Variants in ACO2 observed in about 807,000 individuals in gnomAD.
ACO2 encodes aconitase 2.
In ACO2, 31 loss-of-function variants were observed where a neutral mutation model predicts 84.5. The observed-to-expected ratio is 0.37, with a 90% CI of 0.28 to 0.50. The LOEUF is 0.50. ACO2 is among the 20% of genes least tolerant of loss of function. The pLI is 0.97. For synonymous variants in ACO2, 414 were observed against 412.7 expected, an observed-to-expected ratio of 1.00 and a Z score of -0.04; for missense variants, 685 against 1,029.3, an observed-to-expected ratio of 0.67 and a Z score of 4.58.
chr22:41,506,504 C>T (rs887071192), intron 2 of ACO2, among the ~76,000 whole-genome samples: 7 of 152,130 alleles, frequency 4.6e-5, no homozygotes, highest in African/African-American at 1.7e-4. Context: ...CCGCCTGTCT[C>T]GGCCTCCCAA....
At chr22:41,522,711 C>A in intron 9 of ACO2, 119 bp from the exon 10 acceptor site, 2 of 1,181,574 alleles carry the variant, frequency 1.7e-6, no homozygotes, top group South Asian at 3.1e-5. Context: ...TTAAAAAAGT[C>A]TCTGGCCCAG....
intron 6 of ACO2, 112 bp from the exon 7 acceptor site, chr22:41,517,414 TG>T (rs2066484071): frequency 1.2e-6 from 1 of 829,488 alleles, no homozygotes; most frequent in Non-Finnish European, 2.0e-6. Flanking sequence ...TCTCTCTGAG[TG>T]GGAGGAGAAG....
At chr22:41,483,153 C>G (rs2038109600) in intron 1 of ACO2, among the ~76,000 whole-genome samples, 1 of 152,126 alleles carries the variant, frequency 6.6e-6, no homozygotes, top group Non-Finnish European at 1.5e-5. Context: ...AGATGAGGGC[C>G]TGGGATTTAC....
intron 1 of ACO2, among the ~76,000 whole-genome samples, chr22:41,480,213 A>G (rs1167903481): frequency 1.3e-5 from 2 of 152,216 alleles, no homozygotes; most frequent in African/African-American, 4.8e-5. Context: ...TGTGTTGCCC[A>G]CTTAGACAGA....
At chr22:41,476,385 C>A (rs1421301441) in intron 1 of ACO2, among the ~76,000 whole-genome samples, 1 of 136,948 alleles carries the variant, frequency 7.3e-6, no homozygotes. Context: ...CCAGCCTGGG[C>A]AACAAGAATG....
At chr22:41,526,666 CAGG>C (rs556356702) in intron 15 of ACO2, 23 of 518,666 alleles carry the variant, frequency 4.4e-5, no homozygotes, top group African/African-American at 2.1e-4. Context: ...GTCCCTGCAC[CAGG>C]AGGAGTTAGT....
chr22:41,517,898 C>T (rs1215064447), intron 7 of ACO2, among the ~76,000 whole-genome samples: 1 of 152,216 alleles, frequency 6.6e-6, no homozygotes, highest in Non-Finnish European at 1.5e-5. Context: ...TGGAAGGTGG[C>T]TGAATGCCCG....
At chr22:41,525,508 G>A (rs536441918) in intron 14 of ACO2, among the ~76,000 whole-genome samples, 160 bp downstream of exon 14, 76 of 152,346 alleles carry the variant, frequency 5.0e-4, no homozygotes, top group African/African-American at 1.7e-3. Flanking sequence ...GTATCGCAAC[G>A]CAGTCCAGCG....
intron 9 of ACO2, among the ~76,000 whole-genome samples, chr22:41,521,047 AAAAAAAAAAAAAG>A (rs1418302870): frequency 1.3e-5 from 2 of 150,144 alleles, no homozygotes; most frequent in Admixed American, 1.3e-4. Context: ...AAAAAAAAAA[AAAAAAAAAAAAAG>A]AAAGAAAAGA....
intron 9 of ACO2, among the ~76,000 whole-genome samples, chr22:41,522,513 G>A (rs1252012367): frequency 6.6e-6 from 1 of 152,288 alleles, no homozygotes; most frequent in East Asian, 1.9e-4. Context: ...GCCCATCAAG[G>A]ATGGCTGTTC....
chr22:41,496,543 T>G (rs1444246854), intron 1 of ACO2, among the ~76,000 whole-genome samples: 1 of 152,174 alleles, frequency 6.6e-6, no homozygotes, highest in Non-Finnish European at 1.5e-5. Flanking sequence ...TGTGGGGCCA[T>G]CCTTAAACCC....
intron 1 of ACO2, among the ~76,000 whole-genome samples, chr22:41,495,019 T>A (rs1377103168): frequency 6.7e-6 from 1 of 149,798 alleles, no homozygotes; most frequent in African/African-American, 2.5e-5. Flanking sequence ...TAGGCGTGAG[T>A]CTCCACGCCC....
At position 41,526,283 on chromosome 22, in the gene ACO2, G is replaced by T; in HGVS notation, c.1783G>T (p.Asp595Tyr). Reference protein sequence around the residue: ...LIKVKGKCTTDHISAAGPWLK... With the variant: ...LIKVKGKCTTYHISAAGPWLK... ...CAAGGTCAAAGGGAAGTGTACCACT[G>T]ACCACATCTCAGCTGCTGGCCCCTG... The change falls in exon 15 of 18, where the codon GAC becomes TAC. Residue 595 changes from aspartate to tyrosine, a missense_variant. By Grantham distance (160) the Asp-to-Tyr change is radical. Transcript: ENST00000216254. 1 of 1,612,278 alleles carries T rather than the reference G, an allele frequency of 6.2e-7. No homozygotes were observed. The highest frequency in any genetic ancestry group is 1.1e-5 in the South Asian group (1 of 90,956).
At position 41,526,084 on chromosome 22, in the gene ACO2, A is replaced by G. The variant is rs1199814972; in HGVS notation, c.1762-178A>G. 5.1e-6 allele frequency: 3 copies of G among 586,752 alleles called. No individual in the cohort carries two copies. The East Asian group carries it at 8.5e-5, about 17-fold the overall frequency. The allele number at this position is 586,752 out of a possible 1,614,324, so 36.3% of individuals were successfully genotyped here. On this transcript the variant is annotated intron_variant, in intron 14 of 17. Transcript: ENST00000216254. ...GGGGATGAAGGCCTGGCCTGAGCCC[A>G]TGTGGCCTTAGGGTGGAAGCACCAG...
chr22:41,515,833 G>T lies in ACO2; in HGVS notation c.751G>T (p.Val251Leu). 1 of 1,614,226 alleles carries T rather than the reference G, an allele frequency of 6.2e-7. No homozygotes were observed. The highest frequency in any genetic ancestry group is 8.5e-7 in the Non-Finnish European group (1 of 1,180,040). ...CTCACCCAAAGATGTGATCCTGAAG[G>T]TGGCAGGCATCCTCACGGTGAAAGG... ...WSSPKDVILK[V>L]AGILTVKGGT... The change falls in exon 6 of 18, where the codon GTG becomes TTG. Residue 251 changes from valine to leucine, a missense_variant. By Grantham distance (32) the Val-to-Leu change is conservative (BLOSUM62 1). Coordinates refer to ENST00000216254, the MANE Select transcript of ACO2 (RefSeq NM_001098.3). This position sits in a 1 kb window ranked among gnomAD's most constrained non-coding sequence, Gnocchi z 5.8.
At chr22:41,476,162 C>T (rs1487574904) in intron 1 of ACO2, among the ~76,000 whole-genome samples, 1 of 152,190 alleles carries the variant, frequency 6.6e-6, no homozygotes, top group Non-Finnish European at 1.5e-5. Flanking sequence ...AATCCCAGCA[C>T]TTTGGGAGCC....
chr22:41,476,072 C>T (rs916916834), intron 1 of ACO2, among the ~76,000 whole-genome samples: 2 of 151,926 alleles, frequency 1.3e-5, no homozygotes, highest in Non-Finnish European at 2.9e-5. Flanking sequence ...GTTCTGAAGG[C>T]CTAATATTTG....
chr22:41,485,677 T>G (rs1178972225), intron 1 of ACO2, among the ~76,000 whole-genome samples: 2 of 151,780 alleles, frequency 1.3e-5, no homozygotes, highest in Non-Finnish European at 1.5e-5. Flanking sequence ...TCTCCTGACC[T>G]TGTGATCCAC....
chr22:41,481,498 C>T (rs1032602396), intron 1 of ACO2, among the ~76,000 whole-genome samples: 3 of 152,178 alleles, frequency 2.0e-5, no homozygotes, highest in African/African-American at 7.2e-5. Context: ...GAAGCCTGCC[C>T]GAGAATAGGT....
Sources: allele counts gnomAD v4.1 joint callset (sites outside exome capture counted in the v4.1 genomes callset), GRCh38; gene constraint gnomAD v4.1.1; non-coding constraint Gnocchi (gnomAD v3.1); transcripts MANE v1.5; gene names NCBI Gene and HGNC (gene_info 2026-07-23, HGNC 2026-07-21).